The following DIS3L2 variants were observed in gnomAD, a reference collection of about 807,000 sequenced individuals.
The protein encoded by DIS3L2 is DIS3-like exonuclease 2.
DIS3L2 carries 34 observed loss-of-function variants against 97.5 expected under a neutral mutation model. That is an observed-to-expected ratio of 0.35 (90% confidence interval 0.27 to 0.46). The LOEUF is 0.46. Ranked by LOEUF, DIS3L2 falls within the 20% of genes least tolerant of loss-of-function variation. DIS3L2 has a pLI of 1.00. For synonymous variants in DIS3L2, 435 were observed against 445.2 expected, an observed-to-expected ratio of 0.98 and a Z score of 0.29; for missense variants, 1,038 against 1,146.0, an observed-to-expected ratio of 0.91 and a Z score of 1.36.
At chr2:232,312,704 C>G (rs1168813781) in intron 14 of DIS3L2, among the ~76,000 whole-genome samples, 1 of 152,178 alleles carries the variant, frequency 6.6e-6, no homozygotes, top group African/African-American at 2.4e-5. Flanking sequence ...AAAATCAACA[C>G]TTTTATGATA....
chr2:232,024,969 T>C (rs375638058), intron 4 of DIS3L2, among the ~76,000 whole-genome samples: 3 of 152,180 alleles, frequency 2.0e-5, no homozygotes, highest in African/African-American at 7.2e-5. Flanking sequence ...AGCAATATTC[T>C]TAAATTCCTG....
At chr2:232,244,876 AAGAC>A (rs1242540094) in intron 11 of DIS3L2, among the ~76,000 whole-genome samples, 1 of 152,160 alleles carries the variant, frequency 6.6e-6, no homozygotes, top group African/African-American at 2.4e-5. Flanking sequence ...GGTAAGAACT[AAGAC>A]AGCTTAGCAA....
intron 16 of DIS3L2, 84 bp from the exon 17 acceptor site, chr2:232,333,756 G>GAATGGTATT: frequency 8.1e-6 from 12 of 1,487,176 alleles, no homozygotes; most frequent in Admixed American, 6.8e-5. Flanking sequence ...CGCTGCCGAC[G>GAATGGTATT]GTGAGGCTGT....
intron 14 of DIS3L2, among the ~76,000 whole-genome samples, chr2:232,306,777 C>A (rs16828779): frequency 2.0e-5 from 3 of 152,134 alleles, no homozygotes; most frequent in Admixed American, 6.5e-5. Flanking sequence ...CTGGGCACTC[C>A]TCAGCAGCAA....
chr2:232,111,347 A>G, intron 6 of DIS3L2: 1 of 448,190 alleles, frequency 2.2e-6, no homozygotes, highest in South Asian at 1.6e-5. Flanking sequence ...CATCATGGAC[A>G]TTGTTCATCT....
rs1052893310 is a variant in DIS3L2 at position 232,238,514 on chromosome 2, CCTT to C, written c.1205-16_1205-14del. On this transcript the variant is annotated splice_polypyrimidine_tract_variant and intron_variant, in intron 10 of 20. Coordinates refer to ENST00000325385, the MANE Select transcript of DIS3L2 (RefSeq NM_152383.5). ...TGGCCTTCCACGCCAGCCTGATAGT[CCTT>C]CTCGTGCATTTACAGGCAACTTCAA... 4 of 1,605,788 alleles carry C rather than the reference CCTT, an allele frequency of 2.5e-6. No individual in the cohort carries two copies. Among genetic ancestry groups the C allele is most frequent in the South Asian group, 1.1e-5 (1 of 90,546 alleles).
chr2:232,194,127 A>G (rs553541613), intron 9 of DIS3L2, among the ~76,000 whole-genome samples: 1 of 152,010 alleles, frequency 6.6e-6, no homozygotes, highest in East Asian at 1.9e-4. Flanking sequence ...AAAGAAAAAG[A>G]AAAAAGATTC....
intron 11 of DIS3L2, among the ~76,000 whole-genome samples, chr2:232,246,476 G>A (rs1181441838): frequency 6.6e-6 from 1 of 152,216 alleles, no homozygotes; most frequent in East Asian, 1.9e-4. Flanking sequence ...GCTTGAGCCT[G>A]GTGACAGTGC....
intron 1 of DIS3L2, among the ~76,000 whole-genome samples, chr2:231,984,819 C>T (rs1240050119): frequency 6.6e-6 from 1 of 152,130 alleles, no homozygotes; most frequent in Admixed American, 6.5e-5. Context: ...CAACATTTCA[C>T]CATGTTGGCC....
chr2:232,160,518 T>C (rs1690617524), intron 8 of DIS3L2, among the ~76,000 whole-genome samples: 1 of 152,144 alleles, frequency 6.6e-6, no homozygotes. Context: ...TAATTTGTGT[T>C]TTTCCCTCCT....
chr2:232,289,067 G>A lies in DIS3L2; in HGVS notation c.1660-10973G>A, dbSNP rs759971888. Among the ~76,000 whole-genome samples, 12 of 151,972 alleles carry A rather than the reference G, an allele frequency of 7.9e-5. 1 individual carries two copies. The South Asian group carries it at 1.0e-3, about 13-fold the overall frequency. ...AGATGCAGTCGTCCTGCTTGGTGGC[G>A]TGGGGGAGGGAGAGTTTACAAGGTT... On this transcript the variant is annotated intron_variant, in intron 13 of 20. Transcript: ENST00000325385.
intron 1 of DIS3L2, among the ~76,000 whole-genome samples, chr2:231,968,656 AG>A (rs957588530): frequency 5.3e-5 from 8 of 152,242 alleles, no homozygotes; most frequent in African/African-American, 1.9e-4. Flanking sequence ...TTAACAAATA[AG>A]GCTTCTATAA....
intron 1 of DIS3L2, among the ~76,000 whole-genome samples, chr2:231,990,998 C>T (rs146993277): frequency 1.4e-4 from 22 of 151,952 alleles, no homozygotes; most frequent in South Asian, 4.1e-4. Context: ...CTCTGCCTCC[C>T]GGGCTCAAGT....
At chr2:232,337,965 A>AGAT (rs1233598562), downstream of DIS3L2, among the ~76,000 whole-genome samples, 6 of 149,996 alleles carry the variant, frequency 4.0e-5, no homozygotes, top group Non-Finnish European at 5.9e-5. Context: ...GCCACCCCCG[A>AGAT]GATGTCCCAG....
chr2:232,198,186 A>C (rs1691807222), intron 9 of DIS3L2, among the ~76,000 whole-genome samples: 1 of 152,120 alleles, frequency 6.6e-6, no homozygotes, highest in South Asian at 2.1e-4. Context: ...GAGTAAAAAT[A>C]ACACCCACCA....
chr2:232,063,711 A>T (rs1035956063), intron 5 of DIS3L2, among the ~76,000 whole-genome samples: 3 of 152,106 alleles, frequency 2.0e-5, no homozygotes, highest in Non-Finnish European at 2.9e-5. Flanking sequence ...CATTTGATTG[A>T]TGATTGCTTC....
intron 5 of DIS3L2, 81 bp downstream of exon 5, chr2:232,030,161 C>A: frequency 8.1e-7 from 1 of 1,232,030 alleles, no homozygotes; most frequent in East Asian, 2.4e-5. Flanking sequence ...GCATCATAAA[C>A]TGGAGGAGTC....
At chr2:232,094,770 A>G (rs1191703835) in intron 6 of DIS3L2, among the ~76,000 whole-genome samples, 1 of 151,324 alleles carries the variant, frequency 6.6e-6, no homozygotes, top group East Asian at 1.9e-4. Context: ...CTGTTATTAT[A>G]TTGGGGTCTA....
At chr2:232,329,785 T>TGCCCGGGGGCCCCC in intron 14 of DIS3L2, 28 bp from the exon 15 acceptor site, 10 of 967,138 alleles carry the variant, frequency 1.0e-5, no homozygotes, top group East Asian at 3.1e-5. Context: ...ACCCCAGCGG[T>TGCCCGGGGGCCCCC]CCCTCCCATC....
Sources: gnomAD v4.1 joint callset for allele counts (sites outside exome capture counted in the v4.1 genomes callset) on GRCh38, gnomAD v4.1.1 for gene constraint, MANE v1.5 for transcripts, NCBI Gene and HGNC (gene_info 2026-07-23, HGNC 2026-07-21) for gene names.